UQCC1: variants seen among roughly 807,000 people sequenced by gnomAD.
UQCC1 encodes the protein ubiquinol-cytochrome c reductase complex assembly factor 1, also known as bFGF-repressed Zic-binding protein.
UQCC1 carries 38 observed loss-of-function variants against 48.0 expected under a neutral mutation model. The observed-to-expected ratio is 0.79, with a 90% CI of 0.61 to 1.04. The LOEUF is 1.04. UQCC1 is among the 50% of genes least tolerant of loss of function. UQCC1 has a pLI of 0.00. For synonymous variants in UQCC1, 111 were observed against 129.2 expected (o/e 0.86, Z 0.95); for missense variants, 368 against 381.8 (o/e 0.96, Z 0.30).
At chr20:35,366,239 G>A (rs958530566) in intron 6 of UQCC1, among the ~76,000 whole-genome samples, 1 of 152,150 alleles carries the variant, frequency 6.6e-6, no homozygotes, top group Non-Finnish European at 1.5e-5. Context: ...ACGTAAATGT[G>A]AACTTTCCTA....
At chr20:35,399,081 GCCT>G (rs2062123044) in intron 1 of UQCC1, among the ~76,000 whole-genome samples, 1 of 152,026 alleles carries the variant, frequency 6.6e-6, no homozygotes, top group African/African-American at 2.4e-5. Flanking sequence ...AACAATCTGG[GCCT>G]CCATTTTCCC....
chr20:35,347,100 A>T, intron 7 of UQCC1, 64 bp downstream of exon 7: 2 of 1,614,138 alleles, frequency 1.2e-6, no homozygotes, highest in Non-Finnish European at 1.7e-6. Context: ...ACAACAGATA[A>T]AACTCCAAAC....
intron 6 of UQCC1, among the ~76,000 whole-genome samples, chr20:35,357,823 C>T (rs1299697789): frequency 1.3e-5 from 2 of 152,300 alleles, no homozygotes; most frequent in South Asian, 2.1e-4. Flanking sequence ...ATAACAATAA[C>T]GTTGAGTCAT....
intron 8 of UQCC1, among the ~76,000 whole-genome samples, chr20:35,308,494 G>A (rs2060952171): frequency 6.6e-6 from 1 of 152,270 alleles, no homozygotes; most frequent in Admixed American, 6.5e-5. Flanking sequence ...GCAGAGCCCA[G>A]GATGGGAAAA....
intron 3 of UQCC1, 112 bp downstream of exon 3, chr20:35,383,926 A>C: frequency 1.2e-6 from 1 of 828,868 alleles, no homozygotes; most frequent in Non-Finnish European, 1.9e-6. Flanking sequence ...TTACCCCCTG[A>C]GCCTCACCTT....
At chr20:35,392,318 C>A (rs779834194) in intron 2 of UQCC1, 26 of 1,297,736 alleles carry the variant, frequency 2.0e-5, no homozygotes, top group Non-Finnish European at 9.2e-6. Flanking sequence ...ACAGTCGATA[C>A]GACAAAAGGT....
At chr20:35,358,700 C>T (rs1288639719) in intron 6 of UQCC1, among the ~76,000 whole-genome samples, 1 of 152,102 alleles carries the variant, frequency 6.6e-6, no homozygotes, top group African/African-American at 2.4e-5. Flanking sequence ...GCTGGGATTA[C>T]AGGCACCCAC....
chr20:35,380,574 A>G (rs1391045417), intron 4 of UQCC1, among the ~76,000 whole-genome samples: 1 of 152,228 alleles, frequency 6.6e-6, no homozygotes, highest in African/African-American at 2.4e-5. Context: ...TTGAAATTCT[A>G]ATTTGAATCC....
chr20:35,322,142 A>G (rs1049539559), intron 7 of UQCC1, among the ~76,000 whole-genome samples: 1 of 152,190 alleles, frequency 6.6e-6, no homozygotes, highest in East Asian at 1.9e-4. Flanking sequence ...AGTATTCCAC[A>G]TGACAAGTCT....
chr20:35,410,927 C>T (rs370664234), intron 1 of UQCC1, among the ~76,000 whole-genome samples: 2 of 151,772 alleles, frequency 1.3e-5, no homozygotes, highest in South Asian at 2.1e-4. Context: ...TACTGAACAG[C>T]AGTCGAGGGT....
chr20:35,310,693 ATTT>A (rs369142415), intron 8 of UQCC1, among the ~76,000 whole-genome samples: 2 of 100,686 alleles, frequency 2.0e-5, no homozygotes, highest in Admixed American at 1.2e-4. Context: ...AAAGCTGCAG[ATTT>A]TTTTTTTTTT....
intron 6 of UQCC1, among the ~76,000 whole-genome samples, chr20:35,354,537 C>A (rs535555463): frequency 6.6e-6 from 1 of 152,258 alleles, no homozygotes; most frequent in East Asian, 1.9e-4. Context: ...GCTGGGACTA[C>A]AGGTGCCCGC....
intron 7 of UQCC1, among the ~76,000 whole-genome samples, chr20:35,339,967 A>G (rs568769429): frequency 6.6e-6 from 1 of 152,250 alleles, no homozygotes; most frequent in African/African-American, 2.4e-5. Context: ...AAATACTTCA[A>G]TATGTATCTG....
chr20:35,407,309 T>A (rs752353690), intron 1 of UQCC1, among the ~76,000 whole-genome samples: 25 of 151,858 alleles, frequency 1.6e-4, no homozygotes, highest in South Asian at 4.2e-4. Context: ...ATGACTGTAA[T>A]CCCAGCTACT....
chr20:35,393,089 A>G (rs971077415), intron 2 of UQCC1, among the ~76,000 whole-genome samples: 5 of 151,770 alleles, frequency 3.3e-5, no homozygotes, highest in Non-Finnish European at 7.4e-5. Flanking sequence ...AAAAAACTCA[A>G]CTTGAGAGAG....
At chr20:35,378,651 A>C (rs1330480678) in intron 4 of UQCC1, among the ~76,000 whole-genome samples, 1 of 152,282 alleles carries the variant, frequency 6.6e-6, no homozygotes, top group Admixed American at 6.5e-5. Flanking sequence ...AAAAAGAGTT[A>C]GAAGGGTGTT....
In UQCC1 at chr20:35,374,233, G is replaced by A; in HGVS notation, c.357C>T (p.Arg119=). The part of the protein sequence containing the change: ...SKWKIKIAAL[R]MYTSCVEKTD... Reference sequence around the variant, plus strand: ...TTTTCTCCACACAGCTAGTATACATGCGCAGGGCCGCAATCTTAATCTTCT... The same window carrying A: ...TTTTCTCCACACAGCTAGTATACATACGCAGGGCCGCAATCTTAATCTTCT... The change falls in exon 5 of 10, where the codon CGC becomes CGT. Residue 119 remains arginine (R), a synonymous_variant. Coordinates refer to ENST00000374385, the MANE Select transcript of UQCC1 (RefSeq NM_018244.5). 1 of 1,612,592 alleles carries A rather than the reference G, an allele frequency of 6.2e-7. No homozygotes were observed. The highest frequency in any genetic ancestry group is 8.5e-7 in the Non-Finnish European group (1 of 1,179,450).
At chr20:35,337,017 T>C (rs1446158416) in intron 7 of UQCC1, among the ~76,000 whole-genome samples, 6 of 151,394 alleles carry the variant, frequency 4.0e-5, no homozygotes, top group Middle Eastern at 6.8e-3. Context: ...CGAGTTCTAC[T>C]CTTCAGTGTT....
intron 2 of UQCC1, among the ~76,000 whole-genome samples, chr20:35,393,745 G>T (rs1568707017): frequency 6.6e-6 from 1 of 151,892 alleles, no homozygotes; most frequent in Non-Finnish European, 1.5e-5. Flanking sequence ...TTCATATAAA[G>T]GAAAAAGAAA....
Sources: gnomAD v4.1 joint callset for allele counts (sites outside exome capture counted in the v4.1 genomes callset) on GRCh38, gnomAD v4.1.1 for gene constraint, MANE v1.5 for transcripts, NCBI Gene and HGNC (gene_info 2026-07-23, HGNC 2026-07-21) for gene names.